Variants in VPS13B observed in about 807,000 individuals in gnomAD.
VPS13B encodes intermembrane lipid transfer protein VPS13B.
A neutral mutation model predicts 426.4 loss-of-function variants in VPS13B; 285 were observed. The observed-to-expected ratio is 0.67, with a 90% CI of 0.61 to 0.74. The LOEUF is 0.74. Ranked by LOEUF, VPS13B falls within the 30% of genes least tolerant of loss-of-function variation. The pLI is 0.00. For synonymous variants in VPS13B, 1,676 were observed against 1,676.4 expected, an observed-to-expected ratio of 1.00 and a Z score of 0.01; for missense variants, 4,537 against 4,782.6, an observed-to-expected ratio of 0.95 and a Z score of 1.51.
intron 3 of VPS13B, among the ~76,000 whole-genome samples, chr8:99,089,927 G>A (rs1463882592): frequency 1.3e-5 from 2 of 152,136 alleles, no homozygotes; most frequent in Non-Finnish European, 2.9e-5. Context: ...CAATACTAGA[G>A]TCAGGGTAGA....
intron 33 of VPS13B, among the ~76,000 whole-genome samples, chr8:99,589,529 A>G (rs1826495690): frequency 6.6e-6 from 1 of 151,776 alleles, no homozygotes; most frequent in Non-Finnish European, 1.5e-5. Flanking sequence ...TACAAAGGAC[A>G]TGAACTCATC....
chr8:99,509,548 G>C (rs1413159434), intron 28 of VPS13B, among the ~76,000 whole-genome samples: 1 of 152,052 alleles, frequency 6.6e-6, no homozygotes, highest in African/African-American at 2.4e-5. Context: ...GTGGGTGATA[G>C]GCAACAAAAT....
chr8:99,531,876 A>G (rs1009067847), intron 30 of VPS13B, among the ~76,000 whole-genome samples: 2 of 152,142 alleles, frequency 1.3e-5, no homozygotes, highest in African/African-American at 4.8e-5. Flanking sequence ...ATTTTATAAA[A>G]TATTAACAAA....
At chr8:99,369,049 G>A (rs1404036114) in intron 19 of VPS13B, among the ~76,000 whole-genome samples, 2 of 152,030 alleles carry the variant, frequency 1.3e-5, no homozygotes, top group African/African-American at 2.4e-5. Flanking sequence ...CTTAAAAATC[G>A]TTTGTACTGT....
At chr8:99,306,008 T>C (rs1820617215) in intron 19 of VPS13B, among the ~76,000 whole-genome samples, 1 of 152,130 alleles carries the variant, frequency 6.6e-6, no homozygotes, top group African/African-American at 2.4e-5. Flanking sequence ...TTTTTGTTAA[T>C]GCTGTTTATT....
chr8:99,124,391 A>G (rs957074383), intron 8 of VPS13B, among the ~76,000 whole-genome samples: 2 of 152,198 alleles, frequency 1.3e-5, no homozygotes, highest in African/African-American at 4.8e-5. Flanking sequence ...TAGAATTACC[A>G]TATAATCTAG....
chr8:99,573,907 T>C (rs1425255339), intron 31 of VPS13B, among the ~76,000 whole-genome samples: 144 of 152,270 alleles, frequency 9.5e-4, no homozygotes, highest in African/African-American at 3.1e-3. Context: ...GCCATTTTCA[T>C]GATATTGATT....
chr8:99,748,910 G>A (rs1343701469), intron 39 of VPS13B, among the ~76,000 whole-genome samples: 2 of 152,000 alleles, frequency 1.3e-5, no homozygotes, highest in Non-Finnish European at 2.9e-5. Flanking sequence ...GCTCAATAAC[G>A]GCAGGATGCC....
At chr8:99,303,043 G>A (rs1041473095) in intron 19 of VPS13B, among the ~76,000 whole-genome samples, 6 of 151,828 alleles carry the variant, frequency 4.0e-5, no homozygotes, top group African/African-American at 1.5e-4. Context: ...CACTTTGGGA[G>A]GCCAAGGCGG....
At chr8:99,132,935 G>A (rs1809879836) in intron 8 of VPS13B, among the ~76,000 whole-genome samples, 1 of 152,054 alleles carries the variant, frequency 6.6e-6, no homozygotes, top group South Asian at 2.1e-4. Flanking sequence ...AGTAGATTTA[G>A]CATGATTCTT....
At chr8:99,708,360 A>C (rs1222427451) in intron 36 of VPS13B, among the ~76,000 whole-genome samples, 1 of 152,294 alleles carries the variant, frequency 6.6e-6, no homozygotes, top group African/African-American at 2.4e-5. Context: ...AAAGCATTTC[A>C]TAAAAAATAC....
At chr8:99,207,977 G>T (rs1814826095) in intron 17 of VPS13B, among the ~76,000 whole-genome samples, 1 of 152,128 alleles carries the variant, frequency 6.6e-6, no homozygotes, top group Non-Finnish European at 1.5e-5. Context: ...TTTAAAAATG[G>T]ACAAGAGTTA....
chr8:99,250,664 CTTTTTTTTTTTTTTTTTTTTTTTTTT>C (rs60698750), intron 17 of VPS13B, among the ~76,000 whole-genome samples: 2 of 35,770 alleles, frequency 5.6e-5, no homozygotes, highest in African/African-American at 1.3e-4. Flanking sequence ...TGTGTTTATT[CTTTTTTTTTTTTTTTTTTTTTTTTTT>C]TTTTTTTTTT....
At chr8:99,361,783 C>A (rs973481480) in intron 19 of VPS13B, among the ~76,000 whole-genome samples, 5 of 152,128 alleles carry the variant, frequency 3.3e-5, no homozygotes, top group African/African-American at 1.2e-4. Context: ...ATTTTTAGGT[C>A]TCCATGTAAT....
chr8:99,561,441 A>G (rs980602727), intron 31 of VPS13B, among the ~76,000 whole-genome samples: 8 of 152,158 alleles, frequency 5.3e-5, no homozygotes, highest in East Asian at 3.9e-4. Context: ...TAAGTGATCT[A>G]TGATTTATAA....
intron 33 of VPS13B, among the ~76,000 whole-genome samples, chr8:99,627,224 A>G (rs1208312187): frequency 6.6e-6 from 1 of 152,126 alleles, no homozygotes; most frequent in Non-Finnish European, 1.5e-5. Context: ...GTGGTCAATA[A>G]TAATGTATTA....
chr8:99,430,741 T>G (rs1019554867), intron 21 of VPS13B, among the ~76,000 whole-genome samples: 1 of 145,756 alleles, frequency 6.9e-6, no homozygotes, highest in Non-Finnish European at 1.5e-5. Flanking sequence ...GTTGAGACAG[T>G]GTCTCACTCT....
At chr8:99,193,331 G>T (rs958175153) in intron 17 of VPS13B, among the ~76,000 whole-genome samples, 1 of 151,904 alleles carries the variant, frequency 6.6e-6, no homozygotes, top group African/African-American at 2.4e-5. Flanking sequence ...AACTTTTGAG[G>T]GTATCAATGT....
At chr8:99,729,118 T>G (rs933978887) in intron 39 of VPS13B, among the ~76,000 whole-genome samples, 1 of 152,154 alleles carries the variant, frequency 6.6e-6, no homozygotes, top group African/African-American at 2.4e-5. Flanking sequence ...CCCAGTCAAC[T>G]TTGGTCATGG....
Sources: allele counts gnomAD v4.1 joint callset (sites outside exome capture counted in the v4.1 genomes callset), GRCh38; gene constraint gnomAD v4.1.1; transcripts MANE v1.5; gene names NCBI Gene and HGNC (gene_info 2026-07-23, HGNC 2026-07-21).